Variants in CELF4 observed in about 807,000 individuals in gnomAD.
The protein encoded by CELF4 is CUG-BP- and ETR-3-like factor 4.
Under a neutral mutation model 59.9 loss-of-function variants are expected in CELF4, and 18 were observed. The observed-to-expected ratio is 0.30, with a 90% CI of 0.21 to 0.45. The LOEUF is 0.45. Among genes scored for constraint, CELF4 ranks in the 20% least tolerant of loss-of-function variants. CELF4 has a pLI of 1.00. For missense variants in CELF4, 456 were observed against 689.0 expected (o/e 0.66, Z 3.79); for synonymous variants, 261 against 267.1 (o/e 0.98, Z 0.22).
At chr18:37,410,494 G>T (rs60660101) in intron 2 of CELF4, among the ~76,000 whole-genome samples, 1 of 152,364 alleles carries the variant, frequency 6.6e-6, no homozygotes, top group East Asian at 1.9e-4. Flanking sequence ...CAAACCCGAC[G>T]ATAGGGCTTG....
intron 12 of CELF4, chr18:37,247,356 A>AGAGAGAGG (rs2154251789): frequency 8.5e-6 from 1 of 118,056 alleles, no homozygotes; most frequent in African/African-American, 3.2e-5. Context: ...AGAGAGAGAG[A>AGAGAGAGG]GGACAAGAGA....
At chr18:37,308,135 C>T (rs1202122466) in intron 3 of CELF4, among the ~76,000 whole-genome samples, 1 of 152,056 alleles carries the variant, frequency 6.6e-6, no homozygotes, top group Non-Finnish European at 1.5e-5. Context: ...CTGCATTGGT[C>T]TCTGGATGGT....
chr18:37,272,895 G>A (rs1008483948), intron 7 of CELF4, 121 bp downstream of exon 7: 22 of 971,058 alleles, frequency 2.3e-5, no homozygotes, highest in African/African-American at 9.8e-5. Flanking sequence ...AAGTCCTCTC[G>A]GGCCCAGACA....
intron 1 of CELF4, among the ~76,000 whole-genome samples, chr18:37,514,279 C>T (rs575641604): frequency 7.2e-4 from 110 of 152,104 alleles, no homozygotes; most frequent in Non-Finnish European, 1.4e-3. Flanking sequence ...GGCCCTCTTC[C>T]CCTCTCTCTC....
chr18:37,448,584 G>A (rs896455400), intron 2 of CELF4, among the ~76,000 whole-genome samples: 5 of 152,198 alleles, frequency 3.3e-5, no homozygotes, highest in African/African-American at 1.2e-4. Context: ...TTTCCGTCTT[G>A]CGCAGGTGCT....
chr18:37,502,262 A>C (rs1314082721), intron 1 of CELF4, among the ~76,000 whole-genome samples: 1 of 152,152 alleles, frequency 6.6e-6, no homozygotes, highest in Non-Finnish European at 1.5e-5. Flanking sequence ...CTTCTCCATG[A>C]AATCGGTGCT....
chr18:37,440,177 T>C (rs923376672), intron 2 of CELF4, among the ~76,000 whole-genome samples: 2 of 152,112 alleles, frequency 1.3e-5, no homozygotes, highest in African/African-American at 4.8e-5. Flanking sequence ...AGACCCAAGG[T>C]GTCCTGTACA....
chr18:37,465,923 C>T (rs976307623), intron 2 of CELF4, among the ~76,000 whole-genome samples: 3 of 152,104 alleles, frequency 2.0e-5, no homozygotes, highest in Admixed American at 6.5e-5. Context: ...ATCATGGGAG[C>T]CCAGAAGCTG....
intron 1 of CELF4, among the ~76,000 whole-genome samples, chr18:37,487,603 C>T (rs1397912859): frequency 3.3e-5 from 5 of 152,280 alleles, no homozygotes; most frequent in African/African-American, 9.6e-5. Flanking sequence ...CTCGTGCTGC[C>T]GCCTGCTTCT....
intron 3 of CELF4, among the ~76,000 whole-genome samples, chr18:37,297,260 A>T (rs994286523): frequency 5.3e-5 from 8 of 152,118 alleles, no homozygotes; most frequent in African/African-American, 1.9e-4. Flanking sequence ...GGAGGCCACT[A>T]CCTGCCATCT....
intron 2 of CELF4, among the ~76,000 whole-genome samples, chr18:37,403,921 C>T (rs1399503718): frequency 6.6e-6 from 1 of 152,196 alleles, no homozygotes; most frequent in Non-Finnish European, 1.5e-5. Flanking sequence ...AGGTCCACTT[C>T]CTTACCTCAG....
chr18:37,332,655 A>T (rs146070760), intron 2 of CELF4, among the ~76,000 whole-genome samples: 3 of 152,302 alleles, frequency 2.0e-5, no homozygotes, highest in South Asian at 4.1e-4. Flanking sequence ...CCTCAAGCAC[A>T]CTGCTGGTTT....
rs539783487 is a variant in CELF4 at position 37,262,237 on chromosome 18, A to T, written c.1249+2437T>A. Among the ~76,000 whole-genome samples, 252 of 152,240 alleles carry T rather than the reference A, an allele frequency of 1.7e-3. 6 individuals are homozygous for T. The highest frequency in any genetic ancestry group is 2.0e-3 in the Non-Finnish European group (136 of 68,020). On this transcript the variant is annotated intron_variant, in intron 10 of 12. Coordinates refer to ENST00000420428, the MANE Select transcript of CELF4 (RefSeq NM_020180.4). ...CTGTGCGGCTCTGTTGGTATCGTGC[A>T]TTACTCTTCCCCATCCCCTGCATCC... is the stretch of plus-strand genomic sequence containing the variant.
chr18:37,535,113 G>A (rs2099972489), intron 1 of CELF4, among the ~76,000 whole-genome samples: 1 of 152,136 alleles, frequency 6.6e-6, no homozygotes, highest in South Asian at 2.1e-4. Flanking sequence ...GATGGGAGGT[G>A]GGCCTCCCTG....
At chr18:37,542,894 T>A (rs142361593) in intron 1 of CELF4, among the ~76,000 whole-genome samples, 45 of 152,196 alleles carry the variant, frequency 3.0e-4, no homozygotes, top group African/African-American at 1.1e-3. Context: ...CTCTCAGACA[T>A]GAAAACCCAA....
At chr18:37,548,380 G>A (rs2099982125) in intron 1 of CELF4, among the ~76,000 whole-genome samples, 1 of 152,174 alleles carries the variant, frequency 6.6e-6, no homozygotes, top group Non-Finnish European at 1.5e-5. Context: ...TGCTCTCCGA[G>A]TTTCCATTTC....
chr18:37,349,905 A>G (rs75894146), intron 2 of CELF4, among the ~76,000 whole-genome samples: 1 of 152,176 alleles, frequency 6.6e-6, no homozygotes. Flanking sequence ...GGAGCCGGCC[A>G]GAGTTCACAG....
intron 1 of CELF4, among the ~76,000 whole-genome samples, chr18:37,521,005 T>A (rs2099956720): frequency 6.6e-6 from 1 of 151,560 alleles, no homozygotes; most frequent in Non-Finnish European, 1.5e-5. Flanking sequence ...CTCAGGATCC[T>A]TTCAAACAGA....
At chr18:37,390,813 G>GGGC (rs2099152793) in intron 2 of CELF4, among the ~76,000 whole-genome samples, 5 of 132,328 alleles carry the variant, frequency 3.8e-5, no homozygotes, top group African/African-American at 1.4e-4. Context: ...GGGGAGGGGG[G>GGGC]GCAGTGCTGC....
Sources: gnomAD v4.1 joint callset for allele counts (sites outside exome capture counted in the v4.1 genomes callset) on GRCh38, gnomAD v4.1.1 for gene constraint, MANE v1.5 for transcripts, NCBI Gene and HGNC (gene_info 2026-07-23, HGNC 2026-07-21) for gene names.